Variants in CDH7 observed in about 807,000 individuals in gnomAD.
CDH7 encodes the protein cadherin-7.
CDH7 carries 25 observed loss-of-function variants against 71.8 expected under a neutral mutation model. The ratio of observed to expected loss-of-function variants is 0.35; its 90% CI spans 0.25 to 0.49. The LOEUF (loss-of-function observed/expected upper bound fraction) is 0.49, where lower values mean the gene tolerates loss of function less well. CDH7 is among the 20% of genes least tolerant of loss of function. The probability of loss-of-function intolerance (pLI) is 0.99; values close to 1 mark genes in which losing one functional copy is unlikely to be tolerated. For synonymous variants in CDH7, 381 were observed against 363.8 expected (o/e 1.05, Z -0.54); for missense variants, 862 against 974.6 (o/e 0.88, Z 1.54).
intron 6 of CDH7, among the ~76,000 whole-genome samples, chr18:65,835,888 G>T (rs116406484): frequency 3.3e-5 from 5 of 152,266 alleles, no homozygotes; most frequent in Admixed American, 3.3e-4. Flanking sequence ...TTTTGGAAAC[G>T]TGATTAAGTT....
chr18:65,828,575 G>A (rs1306464693), intron 6 of CDH7, among the ~76,000 whole-genome samples: 3 of 152,050 alleles, frequency 2.0e-5, no homozygotes, highest in African/African-American at 7.2e-5. Context: ...TAGAATAATT[G>A]TGTTATCAGT....
chr18:65,772,648 A>G (rs1178017199), intron 2 of CDH7, among the ~76,000 whole-genome samples: 3 of 152,222 alleles, frequency 2.0e-5, no homozygotes, highest in Non-Finnish European at 4.4e-5. Context: ...AGAGTCTGTA[A>G]TATGGTATAA....
chr18:65,775,078 G>A (rs1909887044), intron 2 of CDH7, among the ~76,000 whole-genome samples: 1 of 152,152 alleles, frequency 6.6e-6, no homozygotes, highest in South Asian at 2.1e-4. Flanking sequence ...TGGAAAGATG[G>A]AAGCTTTTTG....
At chr18:65,828,203 G>T (rs550979586) in intron 6 of CDH7, among the ~76,000 whole-genome samples, 1 of 151,870 alleles carries the variant, frequency 6.6e-6, no homozygotes, top group Non-Finnish European at 1.5e-5. Flanking sequence ...TTTCTCATCC[G>T]TATTGGAATA....
In CDH7 at chr18:65,809,627, T is replaced by A. The variant is rs1014154451; in HGVS notation, c.211-77T>A. ...AAATTTCATGTACTCCTGCCTGACA[T>A]AAGAATTATTTTTACATATCTCCAT... On this transcript the variant is annotated intron_variant, in intron 2 of 11. Transcript: ENST00000397968. 13 of 1,231,996 alleles carry A rather than the reference T, an allele frequency of 1.1e-5. No individual in the cohort carries two copies. In the African/African-American group the frequency reaches 1.8e-4, roughly 17 times the overall value. The allele number at this position is 1,231,996 out of a possible 1,614,324, so 76.3% of individuals were successfully genotyped here. A position where few individuals can be genotyped will look rare whatever the true frequency, so the allele number is the denominator to read the frequency against.
chr18:65,825,988 GT>G (rs1253257029), intron 6 of CDH7, among the ~76,000 whole-genome samples: 9 of 151,654 alleles, frequency 5.9e-5, no homozygotes, highest in Non-Finnish European at 1.3e-4. Flanking sequence ...CAAATTGAAA[GT>G]TTTTATTGAA....
intron 4 of CDH7, among the ~76,000 whole-genome samples, chr18:65,815,653 T>C (rs1300410305): frequency 6.6e-6 from 1 of 152,178 alleles, no homozygotes; most frequent in Non-Finnish European, 1.5e-5. Context: ...ATGGAATGCA[T>C]ATTTTACACC....
At chr18:65,817,734 T>C (rs1267887971) in intron 4 of CDH7, among the ~76,000 whole-genome samples, 2 of 152,244 alleles carry the variant, frequency 1.3e-5, no homozygotes, top group African/African-American at 4.8e-5. Context: ...TTCTTTCATA[T>C]TTGATTTACT....
At position 65,866,020 on chromosome 18, in the gene CDH7, C is replaced by CTACATGTAACATGA. The variant is rs1913741924; in HGVS notation, c.1864+3103_1864+3104insTACATGTAACATGA. 9.8e-3 allele frequency: 96 copies of CTACATGTAACATGA among 9,790 alleles called. 5 individuals carry two copies. The East Asian group carries it at 0.11, about 11-fold the overall frequency. 0.6% of individuals were successfully genotyped at this position (9,790 alleles called of 1,614,324 possible). On this transcript the variant is annotated intron_variant, in intron 11 of 11. Coordinates refer to ENST00000397968, the MANE Select transcript of CDH7 (RefSeq NM_004361.5). Reference sequence around the variant, plus strand: ...GTTCAATTAAGAATGAAACTATAGGCCGGGCGCGGTGGCTCACGCCTGTAA... The same window carrying CTACATGTAACATGA: ...GTTCAATTAAGAATGAAACTATAGGCTACATGTAACATGACGGGCGCGGTGGCTCACGCCTGTAA...
intron 2 of CDH7, among the ~76,000 whole-genome samples, chr18:65,804,952 G>A (rs1438039954): frequency 6.6e-6 from 1 of 152,054 alleles, no homozygotes; most frequent in Non-Finnish European, 1.5e-5. Context: ...CAGAGATACA[G>A]GATGTTTTTT....
chr18:65,796,386 C>T (rs1483796629), intron 2 of CDH7, among the ~76,000 whole-genome samples: 2 of 152,078 alleles, frequency 1.3e-5, no homozygotes, highest in Admixed American at 6.5e-5. Flanking sequence ...GGCATAAGTA[C>T]AAAATTCCTA....
chr18:65,758,587 C>T (rs567432172), intron 1 of CDH7, among the ~76,000 whole-genome samples: 25 of 152,148 alleles, frequency 1.6e-4, no homozygotes, highest in Non-Finnish European at 2.9e-4. Context: ...AAATTTCGTC[C>T]TCTGATAATA....
chr18:65,874,389 A>C (rs1223488932), intron 11 of CDH7, among the ~76,000 whole-genome samples: 3 of 152,188 alleles, frequency 2.0e-5, no homozygotes, highest in Non-Finnish European at 4.4e-5. Flanking sequence ...AAATTAGTGG[A>C]GTTACTTTCT....
intron 1 of CDH7, among the ~76,000 whole-genome samples, chr18:65,760,458 C>A (rs574550412): frequency 6.6e-6 from 1 of 152,306 alleles, no homozygotes; most frequent in South Asian, 2.1e-4. Context: ...GATGTATTGT[C>A]ACTCTCTGAA....
At chr18:65,830,725 C>CTTTCTTTCTTTCTT (rs1555687110) in intron 6 of CDH7, among the ~76,000 whole-genome samples, 29 of 130,762 alleles carry the variant, frequency 2.2e-4, no homozygotes, top group African/African-American at 8.4e-4. Flanking sequence ...TTCTCTCTCT[C>CTTTCTTTCTTTCTT]TCTTTCTTTC....
chr18:65,810,052 TA>T, intron 3 of CDH7, 54 bp downstream of exon 3: 1 of 1,435,130 alleles, frequency 7.0e-7, no homozygotes. Flanking sequence ...GGGAGATTTG[TA>T]TTTAAAATTA....
At chr18:65,820,203 A>G (rs1463384169) in intron 4 of CDH7, among the ~76,000 whole-genome samples, 1 of 150,242 alleles carries the variant, frequency 6.7e-6, no homozygotes, top group African/African-American at 2.4e-5. Context: ...ATCAGATGAT[A>G]TAGCTATAGA....
chr18:65,833,360 G>A (rs1912420256), intron 6 of CDH7, among the ~76,000 whole-genome samples: 1 of 152,124 alleles, frequency 6.6e-6, no homozygotes, highest in African/African-American at 2.4e-5. Context: ...CTGATATGTG[G>A]TGAGAGAGAA....
chr18:65,888,202 C>T lies in CDH7; in HGVS notation c.*7308C>T, dbSNP rs1310975224. The stretch of plus-strand genomic sequence containing the variant: ...TTTAAAACAAATATAAGAAAGAGTA[C>T]TGTTTCAGAACTAACCAGCGAAGAG... On this transcript the variant is annotated 3_prime_UTR_variant, in exon 12 of 12. Coordinates refer to ENST00000397968, the MANE Select transcript of CDH7 (RefSeq NM_004361.5). 1.3e-5 allele frequency: 2 copies of T among 152,096 alleles called. No homozygotes were observed. The highest frequency in any genetic ancestry group is 4.8e-5 in the African/African-American group (2 of 41,416). The allele number at this position is 152,096 out of a possible 1,614,324, so 9.4% of individuals were successfully genotyped here. A position where few individuals can be genotyped will look rare whatever the true frequency, so the allele number is the denominator to read the frequency against.
Sources: allele counts gnomAD v4.1 joint callset (sites outside exome capture counted in the v4.1 genomes callset), GRCh38; gene constraint gnomAD v4.1.1; transcripts MANE v1.5; gene names NCBI Gene and HGNC (gene_info 2026-07-23, HGNC 2026-07-21).